Variants in RPS6KA5 observed in about 807,000 individuals in gnomAD.
RPS6KA5 encodes the protein ribosomal protein S6 kinase alpha-5.
In RPS6KA5, 27 loss-of-function variants were observed where a neutral mutation model predicts 85.5. The observed-to-expected ratio is 0.32, with a 90% CI of 0.23 to 0.44. The LOEUF (loss-of-function observed/expected upper bound fraction) is 0.44, where lower values mean the gene tolerates loss of function less well. Ranked by LOEUF, RPS6KA5 falls within the 20% of genes least tolerant of loss-of-function variation. The probability of loss-of-function intolerance (pLI) is 1.00; values close to 1 mark genes in which losing one functional copy is unlikely to be tolerated. For missense variants in RPS6KA5, 811 were observed against 980.9 expected (o/e 0.83, Z 2.31); for synonymous variants, 334 against 348.2 (o/e 0.96, Z 0.46).
At chr14:90,934,912 G>A (rs571791018) in intron 5 of RPS6KA5, among the ~76,000 whole-genome samples, 8 of 152,272 alleles carry the variant, frequency 5.3e-5, no homozygotes, top group South Asian at 4.1e-4. Context: ...GGGCAACAGG[G>A]TAACACTTTG....
intron 1 of RPS6KA5, among the ~76,000 whole-genome samples, chr14:91,044,392 GGAAA>G (rs71461930): frequency 0.18 from 9,640 of 54,870 alleles, 468 homozygotes; most frequent in Middle Eastern, 0.3. Flanking sequence ...AAAGAAAGAA[GGAAA>G]GAAAGAAAGA....
At chr14:90,968,181 T>C (rs2039160274) in intron 3 of RPS6KA5, among the ~76,000 whole-genome samples, 1 of 152,134 alleles carries the variant, frequency 6.6e-6, no homozygotes, top group South Asian at 2.1e-4. Flanking sequence ...CCCACATTCC[T>C]TGGCTTCTGG....
At chr14:91,008,256 A>T (rs1031010858) in intron 1 of RPS6KA5, among the ~76,000 whole-genome samples, 2 of 152,238 alleles carry the variant, frequency 1.3e-5, no homozygotes. Flanking sequence ...TTAAGGTAGA[A>T]ATAAAGAGAA....
chr14:90,901,308 C>T (rs958573514), intron 9 of RPS6KA5, among the ~76,000 whole-genome samples: 6 of 152,116 alleles, frequency 3.9e-5, no homozygotes, highest in Admixed American at 6.5e-5. Flanking sequence ...AAACCCCTGA[C>T]CTCAAGTGAT....
chr14:90,857,789 C>T lies in RPS6KA5; in HGVS notation c.*14285G>A, dbSNP rs374898729. The T allele has an allele frequency of 6.6e-6, 1 of 152,224 alleles. No individual in the cohort carries two copies. The allele number at this position is 152,224 out of a possible 1,614,324, so 9.4% of individuals were successfully genotyped here. ...ATTACCACAAGTCCGACTCGGCAAC[C>T]ATTTAGTAGCCTTTCTATAAAAACA... On this transcript the variant is annotated 3_prime_UTR_variant, in exon 17 of 17. Coordinates refer to ENST00000614987, the MANE Select transcript of RPS6KA5 (RefSeq NM_004755.4).
At chr14:90,873,941 A>C in intron 15 of RPS6KA5, 146 bp from the exon 16 acceptor site, 1 of 603,162 alleles carries the variant, frequency 1.7e-6, no homozygotes, top group South Asian at 3.2e-5. Context: ...AGATTTTCCT[A>C]TTCATTTAAA....
intron 2 of RPS6KA5, among the ~76,000 whole-genome samples, chr14:90,985,782 C>T (rs183562859): frequency 6.6e-6 from 1 of 152,272 alleles, no homozygotes; most frequent in Admixed American, 6.5e-5. Context: ...TATTTCTGCA[C>T]CCATGCAGTT....
At chr14:90,919,729 G>A (rs2036301555) in intron 7 of RPS6KA5, among the ~76,000 whole-genome samples, 1 of 152,074 alleles carries the variant, frequency 6.6e-6, no homozygotes, top group African/African-American at 2.4e-5. Context: ...TAGCTGCTCT[G>A]AAAGAAAAGA....
chr14:90,927,948 T>TTTTC (rs2036768706), intron 5 of RPS6KA5, among the ~76,000 whole-genome samples: 1 of 150,272 alleles, frequency 6.7e-6, no homozygotes, highest in Admixed American at 6.6e-5. Flanking sequence ...TTTTTTTTTT[T>TTTTC]TTTTTGAGAC....
chr14:90,931,116 G>T (rs1339797168), intron 5 of RPS6KA5, among the ~76,000 whole-genome samples: 4 of 152,162 alleles, frequency 2.6e-5, no homozygotes, highest in Non-Finnish European at 5.9e-5. Flanking sequence ...ATTCACAATA[G>T]CCAAGAGGTG....
At chr14:91,032,874 T>C (rs916273047) in intron 1 of RPS6KA5, among the ~76,000 whole-genome samples, 3 of 151,360 alleles carry the variant, frequency 2.0e-5, no homozygotes, top group East Asian at 1.9e-4. Flanking sequence ...AATAAACATA[T>C]GAAAAATGGT....
chr14:90,885,216 A>G (rs1339248860), intron 14 of RPS6KA5, among the ~76,000 whole-genome samples: 1 of 149,286 alleles, frequency 6.7e-6, no homozygotes, highest in Non-Finnish European at 1.5e-5. Flanking sequence ...ACGTGCAACT[A>G]CACTTCAGCC....
At chr14:91,033,382 C>T (rs529032345) in intron 1 of RPS6KA5, among the ~76,000 whole-genome samples, 5 of 152,132 alleles carry the variant, frequency 3.3e-5, no homozygotes, top group Non-Finnish European at 7.3e-5. Flanking sequence ...GGGCAGATCA[C>T]TTGAGGTCAG....
In RPS6KA5 at chr14:90,921,441, A is replaced by G. The variant is rs140883550; in HGVS notation, c.703-1132T>C. ...GGTATGTAGAAATTCTAGGAGTAATATAAGATTTTCTTATGTGAAAATTGG... is the reference window on the plus strand; with the variant it reads ...GGTATGTAGAAATTCTAGGAGTAATGTAAGATTTTCTTATGTGAAAATTGG... On this transcript the variant is annotated intron_variant, in intron 6 of 16. Coordinates refer to ENST00000614987, the MANE Select transcript of RPS6KA5 (RefSeq NM_004755.4). 3.2e-4 allele frequency among the ~76,000 whole-genome samples: 48 copies of G among 152,358 alleles called. 1 individual carries two copies. The East Asian group carries it at 3.7e-3, about 12-fold the overall frequency.
chr14:90,953,549 AAT>A (rs1463758270), intron 3 of RPS6KA5, among the ~76,000 whole-genome samples: 3 of 152,240 alleles, frequency 2.0e-5, no homozygotes, highest in Non-Finnish European at 4.4e-5. Context: ...GGTTGGGCAA[AAT>A]AGAGCCATAT....
chr14:90,899,243 C>T lies in RPS6KA5; in HGVS notation c.1473+86G>A. 5.5e-6 allele frequency: 5 copies of T among 913,318 alleles called. No individual in the cohort carries two copies. The East Asian group carries it at 7.4e-5, about 13-fold the overall frequency. The allele number at this position is 913,318 out of a possible 1,614,324, so 56.6% of individuals were successfully genotyped here. A position where few individuals can be genotyped will look rare whatever the true frequency, so the allele number is the denominator to read the frequency against. On this transcript the variant is annotated intron_variant, in intron 12 of 16. Coordinates refer to ENST00000614987, the MANE Select transcript of RPS6KA5 (RefSeq NM_004755.4). ...ATGTTCTATATCCCTGACTCTGACC[C>T]AGCAGCACCAACAAAACGCGTGAAA...
rs61230626 is a variant in RPS6KA5, at chr14:90,863,302, CAAAAAAAAAAA to C, written c.*8761_*8771del. 22 of 24,792 alleles carry C rather than the reference CAAAAAAAAAAA, an allele frequency of 8.9e-4. No individual in the cohort carries two copies. In the East Asian group the frequency reaches 0.014, roughly 16 times the overall value. 1.5% of individuals were successfully genotyped at this position (24,792 alleles called of 1,614,324 possible). A position where few individuals can be genotyped will look rare whatever the true frequency, so the allele number is the denominator to read the frequency against. On this transcript the variant is annotated 3_prime_UTR_variant, in exon 17 of 17. Transcript: ENST00000614987. ...TGGGTGGCAGAGCGAGACTCCGTCTCAAAAAAAAAAAAAAAAAAAAAAAAAAAAGAAAAGAA... is the reference window on the plus strand; with the variant it reads ...TGGGTGGCAGAGCGAGACTCCGTCTCAAAAAAAAAAAAAAAAAGAAAAGAA...
At chr14:90,963,266 G>C (rs1055546748) in intron 3 of RPS6KA5, among the ~76,000 whole-genome samples, 1 of 152,138 alleles carries the variant, frequency 6.6e-6, no homozygotes, top group Non-Finnish European at 1.5e-5. Flanking sequence ...CCCTCACTAC[G>C]ACATCTCAGG....
chr14:91,000,595 G>A (rs373090802), intron 2 of RPS6KA5, among the ~76,000 whole-genome samples: 12 of 152,164 alleles, frequency 7.9e-5, no homozygotes, highest in Non-Finnish European at 1.3e-4. Context: ...TCAGGAGTTC[G>A]AGACCAACCT....
Sources: allele counts gnomAD v4.1 joint callset (sites outside exome capture counted in the v4.1 genomes callset), GRCh38; gene constraint gnomAD v4.1.1; transcripts MANE v1.5; gene names NCBI Gene and HGNC (gene_info 2026-07-23, HGNC 2026-07-21).